PALD1: variants seen among roughly 807,000 people sequenced by gnomAD.
The protein encoded by PALD1 is paladin.
Under a neutral mutation model 96.0 loss-of-function variants are expected in PALD1, and 57 were observed. The ratio of observed to expected loss-of-function variants is 0.59; its 90% CI spans 0.48 to 0.74. PALD1 has a LOEUF of 0.74. Among genes scored for constraint, PALD1 ranks in the 30% least tolerant of loss-of-function variants. PALD1 has a pLI of 0.00. For synonymous variants in PALD1, 464 were observed against 473.6 expected, an observed-to-expected ratio of 0.98 and a Z score of 0.26; for missense variants, 1,063 against 1,143.7, an observed-to-expected ratio of 0.93 and a Z score of 1.02.
At position 70,515,726 on chromosome 10, in the gene PALD1, C is replaced by T. The variant is rs114725892; in HGVS notation, c.-29-10197C>T. Among the ~76,000 whole-genome samples, 909 of 152,224 alleles carry T rather than the reference C, an allele frequency of 6.0e-3. 10 individuals carry two copies. Among genetic ancestry groups the T allele is most frequent in the African/African-American group, 0.021 (874 of 41,530 alleles). ...TTATACGGTCCAGCAGGGGAGGTAC[C>T]GGTGGTCCTCAGTTTACAGTTGGGG... On this transcript the variant is annotated intron_variant, in intron 1 of 19. Transcript: ENST00000263563.
chr10:70,530,647 G>A (rs533091039), intron 4 of PALD1, among the ~76,000 whole-genome samples: 2 of 152,298 alleles, frequency 1.3e-5, no homozygotes, highest in African/African-American at 4.8e-5. Context: ...CTGAGGGTCT[G>A]CTGCGATTGT....
At chr10:70,479,803 C>T (rs1215416010) in intron 1 of PALD1, among the ~76,000 whole-genome samples, 1 of 152,234 alleles carries the variant, frequency 6.6e-6, no homozygotes, top group Non-Finnish European at 1.5e-5. Context: ...AACCTGAACC[C>T]AGTGGCCGAG....
chr10:70,485,199 C>T (rs1845997993), intron 1 of PALD1: 1 of 150,228 alleles, frequency 6.7e-6, no homozygotes, highest in African/African-American at 2.5e-5. Context: ...TTTTTCAAAA[C>T]ATCTCCCTTA....
intron 17 of PALD1, 65 bp from the exon 18 acceptor site, chr10:70,547,241 C>T (rs1377622518): frequency 6.7e-7 from 1 of 1,499,556 alleles, no homozygotes; most frequent in Non-Finnish European, 9.3e-7. Flanking sequence ...AGGGTGCAAG[C>T]CTGGTGCTTG....
At chr10:70,471,979 A>G in the PALD1 span, among the ~76,000 whole-genome samples, 45 of 152,232 alleles carry the variant, frequency 3.0e-4, no homozygotes, top group Non-Finnish European at 5.7e-4. Flanking sequence ...AGCTTCACAG[A>G]GTCTGGGACC....
intron 2 of PALD1, among the ~76,000 whole-genome samples, chr10:70,526,638 G>A (rs1225847995): frequency 6.6e-6 from 1 of 152,144 alleles, no homozygotes; most frequent in Non-Finnish European, 1.5e-5. Flanking sequence ...TCTGAGATCT[G>A]TACATACTGT....
At chr10:70,541,045 T>G in intron 15 of PALD1, 57 bp from the exon 16 acceptor site, 1 of 1,524,216 alleles carries the variant, frequency 6.6e-7, no homozygotes, top group Non-Finnish European at 8.8e-7. Context: ...GGGACCCTGT[T>G]GGGGTTTGTG....
chr10:70,563,172 A>T (rs547678399), intron 18 of PALD1, among the ~76,000 whole-genome samples: 1 of 152,220 alleles, frequency 6.6e-6, no homozygotes, highest in Non-Finnish European at 1.5e-5. Flanking sequence ...CATGGACAGC[A>T]AGGTTGTGAA....
At chr10:70,529,805 C>A (rs1230120797) in intron 3 of PALD1, 84 bp from the exon 4 acceptor site, 2 of 1,248,622 alleles carry the variant, frequency 1.6e-6, no homozygotes, top group Middle Eastern at 2.0e-4. Flanking sequence ...CCCTCCCTGT[C>A]CCCTGGAGCC....
At chr10:70,489,465 C>T (rs1308472954) in intron 1 of PALD1, among the ~76,000 whole-genome samples, 1 of 152,130 alleles carries the variant, frequency 6.6e-6, no homozygotes, top group Non-Finnish European at 1.5e-5. Context: ...GATAGGAATC[C>T]TGTGTGGTGG....
intron 7 of PALD1, 108 bp downstream of exon 7, chr10:70,533,178 T>C (rs1847031890): frequency 1.1e-6 from 1 of 869,836 alleles, no homozygotes; most frequent in African/African-American, 1.7e-5. Context: ...GGCTTCATTC[T>C]GTGTTGTGTA....
intron 18 of PALD1, among the ~76,000 whole-genome samples, chr10:70,554,154 C>T (rs1021143315): frequency 6.6e-6 from 1 of 152,232 alleles, no homozygotes; most frequent in African/African-American, 2.4e-5. Flanking sequence ...CAAGGCCATG[C>T]ACTCTGGCTC....
At chr10:70,531,596 G>A in intron 5 of PALD1, 142 bp downstream of exon 5, 1 of 739,320 alleles carries the variant, frequency 1.4e-6, no homozygotes, top group Non-Finnish European at 2.1e-6. Flanking sequence ...TGGCTGCAAG[G>A]CTGACTCACG....
At position 70,556,283 on chromosome 10, in the gene PALD1, T is replaced by TCTCTCCCC. The variant is rs879486471; in HGVS notation, c.2263-8076_2263-8075insCCCCTCTC. Among the ~76,000 whole-genome samples, 138 of 50,728 alleles carry TCTCTCCCC rather than the reference T, an allele frequency of 2.7e-3. 2 individuals are homozygous for TCTCTCCCC. The highest frequency in any genetic ancestry group is 7.0e-3 in the Non-Finnish European group (107 of 15,246). The allele number at this position is 50,728 out of a possible 152,430, so 33.3% of individuals were successfully genotyped here. A position where few individuals can be genotyped will look rare whatever the true frequency, so the allele number is the denominator to read the frequency against. On this transcript the variant is annotated intron_variant, in intron 18 of 19. Coordinates refer to ENST00000263563, the MANE Select transcript of PALD1 (RefSeq NM_014431.3). ...ACATGTTCTCAGTAGCCGAGACCTC[T>TCTCTCCCC]CTCTCTCTCTCTCTCTCTCTCTCTG... is the stretch of plus-strand genomic sequence containing the variant.
At chr10:70,492,383 G>A (rs1846113561) in intron 1 of PALD1, among the ~76,000 whole-genome samples, 4 of 148,876 alleles carry the variant, frequency 2.7e-5, no homozygotes, top group Non-Finnish European at 5.9e-5. Flanking sequence ...TTGAAAAAGT[G>A]TAAGTGGAAC....
Position 70,533,169 on chromosome 10 carries a change from G to T in PALD1, c.870+99G>T. ...AGCCTCTCGCCTTCCTCAGAGGAAG[G>T]CTTCATTCTGTGTTGTGTATGTGAG... On this transcript the variant is annotated intron_variant, in intron 7 of 19. Coordinates refer to ENST00000263563, the MANE Select transcript of PALD1 (RefSeq NM_014431.3). The T allele has an allele frequency of 3.2e-6, 3 of 927,666 alleles. No homozygotes were observed. The South Asian group carries it at 4.3e-5, about 13-fold the overall frequency. 57.5% of individuals were successfully genotyped at this position (927,666 alleles called of 1,614,324 possible).
chr10:70,501,953 G>A (rs1037201107), intron 1 of PALD1, among the ~76,000 whole-genome samples: 2 of 151,456 alleles, frequency 1.3e-5, no homozygotes, highest in African/African-American at 4.9e-5. Flanking sequence ...TAGACATATA[G>A]TAGATATTTT....
chr10:70,501,423 G>T (rs1180615553), intron 1 of PALD1, among the ~76,000 whole-genome samples: 1 of 152,210 alleles, frequency 6.6e-6, no homozygotes, highest in Non-Finnish European at 1.5e-5. Context: ...CCCTGCAGGA[G>T]AGCGAGGCTC....
rs1589209289 is a variant in PALD1 at position 70,539,636 on chromosome 10, C to T, written c.1782C>T (p.Gly594=). 2.5e-6 allele frequency: 4 copies of T among 1,613,276 alleles called. No homozygotes were observed. The highest frequency in any genetic ancestry group is 1.7e-6 in the Non-Finnish European group (2 of 1,179,552). Residue 594 remains glycine, a synonymous_variant, in exon 15 of 20, where the codon GGC becomes GGT. Transcript: ENST00000263563. This position sits in a 1 kb window ranked among gnomAD's most constrained non-coding sequence, Gnocchi z 4.5. ...HLSEPPPGKE[G]PLTYRFQTCL... The stretch of plus-strand genomic sequence containing the variant: ...GCGAGCCTCCCCCAGGCAAGGAGGG[C>T]CCCCTGACCTACAGGTTCCAGACCT...
Sources: gnomAD v4.1 joint callset for allele counts (sites outside exome capture counted in the v4.1 genomes callset) on GRCh38, gnomAD v4.1.1 for gene constraint, Gnocchi (gnomAD v3.1) non-coding constraint, MANE v1.5 for transcripts, NCBI Gene and HGNC (gene_info 2026-07-23, HGNC 2026-07-21) for gene names.